The following ZZEF1 variants were observed in gnomAD, a reference collection of about 807,000 sequenced individuals.
The protein encoded by ZZEF1 is zinc finger ZZ-type and EF-hand domain-containing protein 1.
A neutral mutation model predicts 342.8 loss-of-function variants in ZZEF1; 157 were observed. The observed-to-expected ratio is 0.46, with a 90% CI of 0.40 to 0.52. ZZEF1 has a LOEUF of 0.52. Among genes scored for constraint, ZZEF1 ranks in the 20% least tolerant of loss-of-function variants. The pLI is 0.00. For missense variants in ZZEF1, 3,480 were observed against 3,725.6 expected (o/e 0.93, Z 1.72); for synonymous variants, 1,505 against 1,429.1 (o/e 1.05, Z -1.20).
intron 11 of ZZEF1, among the ~76,000 whole-genome samples, chr17:4,094,962 C>T (rs1351978008): frequency 6.6e-6 from 1 of 152,218 alleles, no homozygotes. Context: ...TGCATTTGAG[C>T]CCCCTGCTTT....
Position 4,025,003 on chromosome 17 carries a change from G to A in ZZEF1, c.7008C>T (p.Ser2336=), listed in dbSNP as rs1567771062. 1 of 1,614,216 alleles carries A rather than the reference G, an allele frequency of 6.2e-7. No individual in the cohort carries two copies. Among genetic ancestry groups the A allele is most frequent in the Non-Finnish European group, 8.5e-7 (1 of 1,180,050 alleles). The part of the protein sequence containing the change: ...FAFIASHLLQ[S]SMDSHCPEAV... ...CCTCGGGACAATGGCTGTCCATGCT[G>A]CTTTGCAGAAGGTGACTGGCGATAA... The change falls in exon 43 of 55, where the codon AGC becomes AGT. Residue 2336 remains serine (S), a synonymous_variant. Coordinates refer to ENST00000381638, the MANE Select transcript of ZZEF1 (RefSeq NM_015113.4).
intron 33 of ZZEF1, 121 bp downstream of exon 33, chr17:4,056,095 A>T: frequency 9.0e-7 from 1 of 1,111,192 alleles, no homozygotes; most frequent in Admixed American, 3.0e-5. Flanking sequence ...CCCCTTCACT[A>T]GGGTATTGAA....
intron 2 of ZZEF1, among the ~76,000 whole-genome samples, chr17:4,123,361 C>T (rs920111626): frequency 1.4e-5 from 2 of 146,572 alleles, no homozygotes; most frequent in East Asian, 2.0e-4. Context: ...TGGTTTCAGG[C>T]ACCCACTGGG....
intron 12 of ZZEF1, 138 bp downstream of exon 12, chr17:4,090,580 CT>C: frequency 1.5e-6 from 1 of 665,106 alleles, no homozygotes; most frequent in Non-Finnish European, 2.7e-6. Flanking sequence ...ACACATCTGT[CT>C]CTCCCACAGA....
At chr17:4,095,393 G>A (rs1372339391) in intron 11 of ZZEF1, among the ~76,000 whole-genome samples, 2 of 152,160 alleles carry the variant, frequency 1.3e-5, no homozygotes, top group Non-Finnish European at 2.9e-5. Flanking sequence ...TAAACAGTAA[G>A]CTATATAAAG....
At chr17:4,019,559 C>T in intron 46 of ZZEF1, 110 bp downstream of exon 46, 2 of 956,794 alleles carry the variant, frequency 2.1e-6, no homozygotes, top group Non-Finnish European at 3.2e-6. Context: ...TGCTTCCCGG[C>T]CTGTCGGAGC....
At chr17:4,007,386 G>C (rs543379885) in intron 54 of ZZEF1, among the ~76,000 whole-genome samples, 1 of 152,258 alleles carries the variant, frequency 6.6e-6, no homozygotes, top group Non-Finnish European at 1.5e-5. Context: ...GGCCAGGCCC[G>C]TCAGGCCTTC....
Position 4,062,770 on chromosome 17 carries a change from A to G in ZZEF1, c.4866T>C (p.Cys1622=), listed in dbSNP as rs781825. The change falls in exon 30 of 55, where the codon TGT becomes TGC. Residue 1622 remains cysteine, a synonymous_variant. Coordinates refer to ENST00000381638, the MANE Select transcript of ZZEF1 (RefSeq NM_015113.4). ...GTACTTACTTGGTAAAATCTTTCTG[A>G]CAGGTCAGAAGTTCCAACAGGAAAA... The part of the protein sequence containing the change: ...FILFLLELLT[C]QKDFTNYFGH... The G allele has an allele frequency of 0.41, 655,114 of 1,605,850 alleles. 140,203 individuals carry two copies. Among genetic ancestry groups the G allele is most frequent in the African/African-American group, 0.78 (58,577 of 74,892 alleles).
rs1176894677 is a variant in ZZEF1, at chr17:4,074,252, G to A, written c.3583C>T (p.Leu1195=). The stretch of plus-strand genomic sequence containing the variant: ...CCCCAAGACACGGCAACATCGGGCA[G>A]CCCACAGGCAGTGACAGTGAATTTG... The part of the protein sequence containing the change: ...GYKFTVTACG[L]PDVAVSWGLD... Residue 1195 remains leucine, a synonymous_variant, in exon 24 of 55, where the codon CTG becomes TTG. Transcript: ENST00000381638. 3.1e-6 allele frequency: 5 copies of A among 1,614,078 alleles called. No individual in the cohort carries two copies. Among genetic ancestry groups the A allele is most frequent in the East Asian group, 2.2e-5 (1 of 44,892 alleles).
chr17:4,063,506 G>C, intron 29 of ZZEF1, among the ~76,000 whole-genome samples: 1 of 152,086 alleles, frequency 6.6e-6, no homozygotes, highest in African/African-American at 2.4e-5. Context: ...AATTCTAACG[G>C]TACGTTCTTG....
Position 4,008,415 on chromosome 17 carries a change from T to C in ZZEF1, c.8805+468A>G, listed in dbSNP as rs1040249903. The C allele has an allele frequency of 2.7e-5, 16 of 581,834 alleles. No homozygotes were observed. The highest frequency in any genetic ancestry group is 3.5e-5 in the Non-Finnish European group (16 of 461,590). The allele number at this position is 581,834 out of a possible 1,614,324, so 36.0% of individuals were successfully genotyped here. A position where few individuals can be genotyped will look rare whatever the true frequency, so the allele number is the denominator to read the frequency against. Reference sequence around the variant, plus strand: ...TTTACACTTTTGCTTAATTTTTAAATTGAAAATCTCGTTTCTAATGGCACA... The same window carrying C: ...TTTACACTTTTGCTTAATTTTTAAACTGAAAATCTCGTTTCTAATGGCACA... On this transcript the variant is annotated intron_variant, in intron 54 of 54. Transcript: ENST00000381638. This position sits in a 1 kb window ranked among gnomAD's most constrained non-coding sequence, Gnocchi z 4.2.
rs538416171 is a variant in ZZEF1, at chr17:4,014,974, C to G, written c.8146-459G>C. On this transcript the variant is annotated intron_variant, in intron 49 of 54. Transcript: ENST00000381638. The surrounding 1 kb of genome is among the most constrained non-coding windows in gnomAD (Gnocchi z 4.4). ...CAGGAACAGGGACAAGACCTGACTC[C>G]AGAGAGACTGGCAGGGGCAGACACT... Among the ~76,000 whole-genome samples, 58 of 152,236 alleles carry G rather than the reference C, an allele frequency of 3.8e-4. No homozygotes were observed. Among genetic ancestry groups the G allele is most frequent in the Admixed American group, 7.2e-4 (11 of 15,286 alleles).
chr17:4,072,531 A>G (rs2057529285), intron 25 of ZZEF1, 77 bp downstream of exon 25: 4 of 1,454,108 alleles, frequency 2.8e-6, no homozygotes, highest in Middle Eastern at 1.8e-4. Context: ...TAGAAACACA[A>G]GTGTTTATAA....
chr17:4,123,282 T>TG lies in ZZEF1; in HGVS notation c.499+624_499+625insC, dbSNP rs1452546232. 3.2e-3 allele frequency among the ~76,000 whole-genome samples: 298 copies of TG among 93,944 alleles called. 4 individuals carry two copies. The highest frequency in any genetic ancestry group is 0.012 in the African/African-American group (284 of 24,686). The allele number at this position is 93,944 out of a possible 152,430, so 61.6% of individuals were successfully genotyped here. On this transcript the variant is annotated intron_variant, in intron 2 of 54. Transcript: ENST00000381638. ...TTTATCATAACCATATATATATATA[T>TG]ATATATATATATATATATATATATA...
intron 52 of ZZEF1, among the ~76,000 whole-genome samples, chr17:4,010,740 A>AAAG (rs1350188298): frequency 6.7e-6 from 1 of 149,350 alleles, no homozygotes; most frequent in African/African-American, 2.5e-5. Context: ...AAAAAAGAAA[A>AAAG]AGAAAAAAGA....
At chr17:4,044,151 C>A in intron 38 of ZZEF1, 73 bp downstream of exon 38, 3 of 1,545,950 alleles carry the variant, frequency 1.9e-6, no homozygotes, top group Non-Finnish European at 2.6e-6. Flanking sequence ...CTGTGTGCCA[C>A]AAACAGCTCA....
chr17:4,093,225 A>C (rs1454254132), intron 11 of ZZEF1, among the ~76,000 whole-genome samples: 1 of 152,236 alleles, frequency 6.6e-6, no homozygotes, highest in East Asian at 1.9e-4. Context: ...AGAGTAGGAC[A>C]TAGCTGCCTA....
At chr17:4,103,972 G>T (rs556925978) in intron 8 of ZZEF1, among the ~76,000 whole-genome samples, 36 of 152,268 alleles carry the variant, frequency 2.4e-4, no homozygotes, top group Non-Finnish European at 4.0e-4. Flanking sequence ...AACAGGATGA[G>T]ACCCAACACC....
At chr17:4,076,803 G>A in intron 20 of ZZEF1, 44 bp from the exon 21 acceptor site, 2 of 1,611,302 alleles carry the variant, frequency 1.2e-6, no homozygotes, top group Non-Finnish European at 1.7e-6. Flanking sequence ...CCTTAGGCTG[G>A]GCCTGGGGAT....
Sources: gnomAD v4.1 joint callset for allele counts (sites outside exome capture counted in the v4.1 genomes callset) on GRCh38, gnomAD v4.1.1 for gene constraint, Gnocchi (gnomAD v3.1) non-coding constraint, MANE v1.5 for transcripts, NCBI Gene and HGNC (gene_info 2026-07-23, HGNC 2026-07-21) for gene names.